The following MUC7 variants were observed in gnomAD, a reference collection of about 807,000 sequenced individuals.
MUC7 encodes the protein mucin-7.
In MUC7, 2 loss-of-function variants were observed where a neutral mutation model predicts 2.5. The ratio of observed to expected loss-of-function variants is 0.81; its 90% confidence interval spans 0.33 to 2.55. The LOEUF is 2.55. Among genes scored for constraint, MUC7 ranks in the 30% most tolerant of loss-of-function variants. The probability of loss-of-function intolerance (pLI) is 0.11; values close to 1 mark genes in which losing one functional copy is unlikely to be tolerated. For missense variants in MUC7, 408 were observed against 455.6 expected, an observed-to-expected ratio of 0.90 and a Z score of 0.95; for synonymous variants, 133 against 173.4, an observed-to-expected ratio of 0.77 and a Z score of 1.83.
At chr4:70,469,544 C>T (rs1160983802), upstream of MUC7, among the ~76,000 whole-genome samples, 2 of 152,092 alleles carry the variant, frequency 1.3e-5, no homozygotes, top group Non-Finnish European at 2.9e-5. Context: ...CTACAAGGAA[C>T]TTAAACAAAT....
intron 1 of MUC7, among the ~76,000 whole-genome samples, chr4:70,466,976 A>G (rs999397750): frequency 6.6e-6 from 1 of 152,176 alleles, no homozygotes; most frequent in Non-Finnish European, 1.5e-5. Context: ...GCACCACATC[A>G]TACTTATTCT....
intron 1 of MUC7, among the ~76,000 whole-genome samples, chr4:70,437,444 C>A (rs928450465): frequency 3.3e-5 from 5 of 152,248 alleles, no homozygotes; most frequent in African/African-American, 1.2e-4. Context: ...GCCCCTCCCC[C>A]CGCCACGCTG....
intron 1 of MUC7, among the ~76,000 whole-genome samples, chr4:70,464,985 C>T (rs1734646278): frequency 6.6e-6 from 1 of 152,172 alleles, no homozygotes; most frequent in African/African-American, 2.4e-5. Flanking sequence ...CGGCAGACAC[C>T]TCATTTAGGA....
chr4:70,439,448 G>C (rs566736374), intron 1 of MUC7, among the ~76,000 whole-genome samples: 74 of 152,294 alleles, frequency 4.9e-4, no homozygotes, highest in African/African-American at 1.7e-3. Flanking sequence ...TCTGCCTCCT[G>C]TTTGGAGATA....
rs766190650 is a variant in MUC7, at chr4:70,481,830, T to C, written c.1086T>C (p.Tyr362=). The C allele has an allele frequency of 1.9e-6, 3 of 1,614,116 alleles. No individual in the cohort carries two copies. Among genetic ancestry groups the C allele is most frequent in the African/African-American group, 2.7e-5 (2 of 75,064 alleles). Residue 362 remains tyrosine (Y), a synonymous_variant, in exon 3 of 3, where the codon TAT becomes TAC. Transcript: ENST00000304887. The part of the protein sequence containing the change: ...GQNKISRFLL[Y]MKNLLNRIID... ...ATAAAATTTCTCGATTTCTTTTATA[T>C]ATGAAGAATCTACTAAACAGAATTA... is the stretch of plus-strand genomic sequence containing the variant.
intron 1 of MUC7, 58 bp from the exon 2 acceptor site, chr4:70,473,949 C>T (rs963050098): frequency 5.2e-5 from 63 of 1,218,588 alleles, no homozygotes; most frequent in Non-Finnish European, 6.9e-5. Flanking sequence ...TTTACCAAAA[C>T]GCATTCCTCT....
At chr4:70,480,171 C>T (rs1735124207) in intron 2 of MUC7, among the ~76,000 whole-genome samples, 1 of 152,156 alleles carries the variant, frequency 6.6e-6, no homozygotes, top group South Asian at 2.1e-4. Flanking sequence ...TCATGAACCC[C>T]CGAATCATGA....
At chr4:70,462,070 C>T (rs114473487) in intron 1 of MUC7, among the ~76,000 whole-genome samples, 3 of 151,966 alleles carry the variant, frequency 2.0e-5, no homozygotes, top group African/African-American at 7.2e-5. Context: ...AAAAAGTAGC[C>T]ACTCAGGTGG....
At chr4:70,454,806 GA>G (rs1325757335) in intron 1 of MUC7, among the ~76,000 whole-genome samples, 13 of 152,106 alleles carry the variant, frequency 8.5e-5, no homozygotes, top group Non-Finnish European at 1.6e-4. Flanking sequence ...CGGGTTTCAA[GA>G]CAACTAATGG....
intron 1 of MUC7, among the ~76,000 whole-genome samples, chr4:70,459,641 A>G (rs1734504701): frequency 6.6e-6 from 1 of 152,204 alleles, no homozygotes; most frequent in Non-Finnish European, 1.5e-5. Context: ...CTTTATATAC[A>G]GACAGTATAA....
At chr4:70,435,306 T>G (rs1733798454) in intron 1 of MUC7, among the ~76,000 whole-genome samples, 1 of 152,210 alleles carries the variant, frequency 6.6e-6, no homozygotes, top group Admixed American at 6.5e-5. Context: ...AGTGGGGTAT[T>G]AAAGTCTCCA....
intron 1 of MUC7, among the ~76,000 whole-genome samples, chr4:70,443,405 C>T (rs1465733213): frequency 1.3e-5 from 2 of 151,836 alleles, no homozygotes; most frequent in Admixed American, 1.3e-4. Context: ...CACAGTAACT[C>T]AACCCCCTAA....
chr4:70,441,328 A>G (rs906455650), intron 1 of MUC7, among the ~76,000 whole-genome samples: 1 of 152,236 alleles, frequency 6.6e-6, no homozygotes, highest in Non-Finnish European at 1.5e-5. Flanking sequence ...GCACATGAGT[A>G]CAACCATTAA....
rs376562770 is a variant in MUC7, at chr4:70,448,138, G to C, written c.-93+17451G>C. Among the ~76,000 whole-genome samples, 4 of 152,092 alleles carry C rather than the reference G, an allele frequency of 2.6e-5. No homozygotes were observed. In the East Asian group the frequency reaches 5.8e-4, roughly 22 times the overall value. ...ACAGGTTCTCATTCTTTTTATAGCT[G>C]AGTAGTACTCCATTCTGTGTATGTA... On this transcript the variant is annotated intron_variant, in intron 1 of 3. Coordinates refer to the MUC7 transcript ENST00000413702.
chr4:70,481,541 CA>C lies in MUC7; in HGVS notation c.799del (p.Thr267LeufsTer3), dbSNP rs1735188832. 1.2e-6 allele frequency: 2 copies of C among 1,610,996 alleles called. No homozygotes were observed. The highest frequency in any genetic ancestry group is 3.3e-4 in the Middle Eastern group (2 of 6,058). On this transcript the variant is annotated frameshift_variant, in exon 3 of 3. Transcript: ENST00000304887. LOFTEE classifies it low-confidence loss of function (END_TRUNC). ...ACAGCTGTCCCACCCACACCTTCTG[CA>C]ACTACCCTAGACCCATCATCCGCCT... Reference protein sequence around the residue: ...ETTAVPPTPSATTLDPSSASA... With the variant: ...ETTAVPPTPSXTTLDPSSASA...
Position 70,479,507 on chromosome 4 carries a change from T to C in MUC7, c.55-1292T>C, listed in dbSNP as rs41340945. 9.0e-3 allele frequency among the ~76,000 whole-genome samples: 1,372 copies of C among 152,358 alleles called. 27 individuals carry two copies. Among genetic ancestry groups the C allele is most frequent in the South Asian group, 0.039 (188 of 4,830 alleles). ...CATTTGGTCATCTAAAAAGGGCTTC[T>C]GTGAACATCATTAGGAAGAAAACGT... On this transcript the variant is annotated intron_variant, in intron 2 of 2. Transcript: ENST00000304887.
chr4:70,459,206 T>A (rs1348978754), intron 1 of MUC7, among the ~76,000 whole-genome samples: 1 of 152,118 alleles, frequency 6.6e-6, no homozygotes, highest in African/African-American at 2.4e-5. Context: ...ATTGACTGGA[T>A]TAAGAAAATG....
At chr4:70,444,873 G>A (rs1433316231) in intron 1 of MUC7, among the ~76,000 whole-genome samples, 1 of 152,082 alleles carries the variant, frequency 6.6e-6, no homozygotes. Flanking sequence ...CCAACATGGT[G>A]AAACCCAATT....
chr4:70,462,121 G>A (rs537089193), intron 1 of MUC7, among the ~76,000 whole-genome samples: 2 of 150,182 alleles, frequency 1.3e-5, no homozygotes, highest in East Asian at 3.9e-4. Flanking sequence ...GCTGAGGCGG[G>A]AGGATCACTT....
Sources: allele counts gnomAD v4.1 joint callset (sites outside exome capture counted in the v4.1 genomes callset), GRCh38; gene constraint gnomAD v4.1.1; transcripts MANE v1.5; gene names NCBI Gene and HGNC (gene_info 2026-07-23, HGNC 2026-07-21).